HERC4: variants seen among roughly 807,000 people sequenced by gnomAD.
HERC4 encodes probable E3 ubiquitin-protein ligase HERC4.
HERC4 carries 28 observed loss-of-function variants against 124.3 expected under a neutral mutation model. The observed-to-expected ratio is 0.23, with a 90% confidence interval of 0.17 to 0.31. HERC4 has a LOEUF of 0.31. HERC4 is among the 10% of genes least tolerant of loss of function. HERC4 has a pLI of 1.00. For missense variants in HERC4, 713 were observed against 1,229.3 expected (o/e 0.58, Z 6.28); for synonymous variants, 407 against 421.5 (o/e 0.97, Z 0.42).
chr10:68,022,218 G>A (rs1413564727), intron 8 of HERC4, among the ~76,000 whole-genome samples: 7 of 152,094 alleles, frequency 4.6e-5, no homozygotes, highest in East Asian at 1.9e-4. Flanking sequence ...GTACAGACTC[G>A]GCCAGGTGTG....
intron 3 of HERC4, among the ~76,000 whole-genome samples, chr10:68,059,493 ACAT>A (rs1469098113): frequency 7.7e-6 from 1 of 129,692 alleles, no homozygotes; most frequent in African/African-American, 2.9e-5. Context: ...ATATATTATA[ACAT>A]TATATATTAT....
At chr10:67,968,610 C>T (rs867877599) in intron 15 of HERC4, among the ~76,000 whole-genome samples, 1 of 151,922 alleles carries the variant, frequency 6.6e-6, no homozygotes, top group Admixed American at 6.6e-5. Flanking sequence ...CTCCTGACCT[C>T]GTGATCTGCC....
intron 15 of HERC4, among the ~76,000 whole-genome samples, chr10:67,978,193 T>G (rs745756564): frequency 2.0e-5 from 3 of 150,806 alleles, no homozygotes; most frequent in Admixed American, 6.6e-5. Context: ...GGAGAATCGC[T>G]TGAACCCAGG....
At position 68,072,884 on chromosome 10, in the gene HERC4, T is replaced by C; in HGVS notation, c.225A>G (p.Pro75=). ...QLGHEKSRKK[P]EQVVALDAQN... The stretch of plus-strand genomic sequence containing the variant: ...AATTTTAAAAACATTTCAACTTACC[T>C]GGTTTCTTTCTGGATTTTTCATGAC... The change falls in exon 3 of 25, where the codon CCA becomes CCG. Residue 75 remains proline (P), a splice_region_variant and synonymous_variant. Transcript: ENST00000373700. 1 of 1,544,642 alleles carries C rather than the reference T, an allele frequency of 6.5e-7. No homozygotes were observed. The highest frequency in any genetic ancestry group is 8.7e-7 in the Non-Finnish European group (1 of 1,147,524).
At chr10:68,067,723 A>G (rs1249637847) in intron 3 of HERC4, 2 of 152,242 alleles carry the variant, frequency 1.3e-5, no homozygotes, top group Non-Finnish European at 2.9e-5. Context: ...GAATGACTCA[A>G]CAGTAGAAAT....
At chr10:68,040,888 C>CA (rs1251801625) in intron 4 of HERC4, among the ~76,000 whole-genome samples, 1,651 of 60,824 alleles carry the variant, frequency 0.027, 18 homozygotes, top group African/African-American at 0.06. Context: ...AATTCCGTCT[C>CA]AAAAAAAAAA....
chr10:67,932,612 C>A lies in HERC4; in HGVS notation c.2823G>T (p.Trp941Cys). 1 of 1,609,318 alleles carries A rather than the reference C, an allele frequency of 6.2e-7. No individual in the cohort carries two copies. Among genetic ancestry groups the A allele is most frequent in the Non-Finnish European group, 8.5e-7 (1 of 1,178,664 alleles). The change falls in exon 23 of 25, where the codon TGG (tryptophan) becomes TGT (cysteine). Residue 941 changes from tryptophan (W) to cysteine (C), a missense_variant. Coordinates refer to ENST00000373700, the MANE Select transcript of HERC4 (RefSeq NM_015601.4). ...TTTCCCCTACCTTTTCCAGTTCCTT[C>A]CAATCATAATTTGTATTTCCAATGA... ...AMVIGNTNYD[W>C]KELEKNTEYK...
intron 9 of HERC4, among the ~76,000 whole-genome samples, chr10:68,004,128 T>C (rs1468678792): frequency 6.6e-6 from 1 of 152,230 alleles, no homozygotes; most frequent in African/African-American, 2.4e-5. Flanking sequence ...CTGTTAGCCA[T>C]TTGTATACCT....
intron 5 of HERC4, among the ~76,000 whole-genome samples, chr10:68,037,358 A>C (rs931027395): frequency 6.6e-6 from 1 of 152,090 alleles, no homozygotes; most frequent in Admixed American, 6.5e-5. Context: ...GGCCTCCCAA[A>C]GTGCTGGGAT....
intron 4 of HERC4, among the ~76,000 whole-genome samples, chr10:68,042,825 C>T (rs1249108770): frequency 1.3e-5 from 2 of 152,102 alleles, no homozygotes; most frequent in African/African-American, 4.8e-5. Context: ...CACTGAAATA[C>T]TAAATGGCCC....
At chr10:67,929,882 C>T (rs183000920) in intron 23 of HERC4, among the ~76,000 whole-genome samples, 15 of 150,884 alleles carry the variant, frequency 9.9e-5, no homozygotes, top group East Asian at 7.8e-4. Context: ...GCACGATCTC[C>T]GGCTCACTGC....
intron 9 of HERC4, among the ~76,000 whole-genome samples, chr10:68,005,726 C>T (rs1390314038): frequency 3.3e-5 from 5 of 150,892 alleles, no homozygotes; most frequent in Non-Finnish European, 7.4e-5. Context: ...TTTTTTGAGA[C>T]ATGGTCTTGC....
chr10:67,993,998 G>C (rs540675387), intron 9 of HERC4: 10 of 152,172 alleles, frequency 6.6e-5, no homozygotes, highest in Admixed American at 3.3e-4. Context: ...CAAGCACAAT[G>C]TTTTATTTGT....
intron 13 of HERC4, 88 bp from the exon 14 acceptor site, chr10:67,990,488 G>GA: frequency 1.2e-6 from 1 of 814,060 alleles, no homozygotes; most frequent in Non-Finnish European, 1.7e-6. Flanking sequence ...AGGAAGAAAA[G>GA]AAAGAAAAGG....
chr10:67,939,729 T>C, intron 20 of HERC4, 75 bp from the exon 21 acceptor site: 2 of 647,286 alleles, frequency 3.1e-6, no homozygotes, highest in Admixed American at 3.1e-5. Flanking sequence ...TGGATATATA[T>C]ATATATATAT....
chr10:68,007,157 CTCT>C (rs1760701596), intron 9 of HERC4, among the ~76,000 whole-genome samples: 1 of 152,082 alleles, frequency 6.6e-6, no homozygotes, highest in Admixed American at 6.6e-5. Context: ...GAGTATTTCA[CTCT>C]TTTTTCTTTT....
chr10:68,041,141 C>T (rs1389616433), intron 4 of HERC4, among the ~76,000 whole-genome samples: 1 of 98,722 alleles, frequency 1.0e-5, no homozygotes, highest in East Asian at 7.1e-4. Flanking sequence ...AAAATTCCAA[C>T]CACTAATGTT....
chr10:68,022,372 GCCTGTAATCCCAGTC>G (rs1278505076), intron 8 of HERC4, among the ~76,000 whole-genome samples: 1 of 152,104 alleles, frequency 6.6e-6, no homozygotes, highest in Non-Finnish European at 1.5e-5. Flanking sequence ...GGTGGCGCAT[GCCTGTAATCCCAGTC>G]ACTTGGGAAA....
At chr10:68,066,676 C>G (rs1488380701) in intron 3 of HERC4, among the ~76,000 whole-genome samples, 1 of 152,152 alleles carries the variant, frequency 6.6e-6, no homozygotes, top group Admixed American at 6.6e-5. Context: ...CAAATCAATT[C>G]TGCAAGTCAG....
Sources: gnomAD v4.1 joint callset for allele counts (sites outside exome capture counted in the v4.1 genomes callset) on GRCh38, gnomAD v4.1.1 for gene constraint, MANE v1.5 for transcripts, NCBI Gene and HGNC (gene_info 2026-07-23, HGNC 2026-07-21) for gene names.